KIF5C: variants seen among roughly 807,000 people sequenced by gnomAD.
KIF5C encodes kinesin family member 5C, also known as kinesin heavy chain isoform 5C.
A neutral mutation model predicts 125.2 loss-of-function variants in KIF5C; 18 were observed. The observed-to-expected ratio is 0.14, with a 90% CI of 0.10 to 0.21. The LOEUF (loss-of-function observed/expected upper bound fraction) is 0.21, where lower values mean the gene tolerates loss of function less well. Among genes scored for constraint, KIF5C ranks in the 10% least tolerant of loss-of-function variants. The probability of loss-of-function intolerance (pLI) is 1.00; values close to 1 mark genes in which losing one functional copy is unlikely to be tolerated. For synonymous variants in KIF5C, 405 were observed against 434.0 expected, an observed-to-expected ratio of 0.93 and a Z score of 0.83; for missense variants, 780 against 1,183.8, an observed-to-expected ratio of 0.66 and a Z score of 5.01.
chr2:148,899,332 TG>T (rs1680792775), intron 1 of KIF5C, among the ~76,000 whole-genome samples: 1 of 152,148 alleles, frequency 6.6e-6, no homozygotes, highest in Non-Finnish European at 1.5e-5. Context: ...ATGGAACAGG[TG>T]AAGTAAAGCA....
chr2:148,890,365 G>C (rs1374462128), intron 1 of KIF5C, among the ~76,000 whole-genome samples: 1 of 152,072 alleles, frequency 6.6e-6, no homozygotes, highest in Non-Finnish European at 1.5e-5. Flanking sequence ...GCCAGGTATG[G>C]TCGTGTGTAC....
chr2:149,008,446 C>A (rs1469028485), intron 23 of KIF5C, among the ~76,000 whole-genome samples: 1 of 152,180 alleles, frequency 6.6e-6, no homozygotes, highest in Non-Finnish European at 1.5e-5. Context: ...CACCACTGAG[C>A]TGGTTCAAGT....
chr2:148,955,573 A>G (rs1682772224), intron 10 of KIF5C, among the ~76,000 whole-genome samples: 1 of 152,208 alleles, frequency 6.6e-6, no homozygotes, highest in Admixed American at 6.5e-5. Flanking sequence ...AGTAAATAAA[A>G]GAGTGAGGTA....
chr2:149,005,408 A>T lies in KIF5C; in HGVS notation c.2389A>T (p.Thr797Ser). Residue 797 changes from threonine to serine, a missense_variant, in exon 22 of 26, where the codon ACA becomes TCA. Physicochemically the swap from Thr to Ser is moderately conservative, Grantham distance 58. This residue lies in a region of KIF5C where 573 missense variants were observed against 742.6 expected (regional missense o/e 0.77). Transcript: ENST00000435030. Reference sequence around the variant, plus strand: ...TCTCTTCCAGTCTAGAGAATTGCAGACACTGCACAACCTTCGGAAACTCTT... The same window carrying T: ...TCTCTTCCAGTCTAGAGAATTGCAGTCACTGCACAACCTTCGGAAACTCTT... The part of the protein sequence containing the change: ...LEETVSRELQ[T>S]LHNLRKLFVQ... 6.2e-7 allele frequency: 1 copy of T among 1,613,798 alleles called. No homozygotes were observed.
chr2:149,010,564 G>GCATACAT (rs1682161572), intron 24 of KIF5C, among the ~76,000 whole-genome samples: 2 of 152,256 alleles, frequency 1.3e-5, no homozygotes, highest in South Asian at 4.1e-4. Flanking sequence ...AGATATTCCA[G>GCATACAT]CATACATCGT....
intron 1 of KIF5C, among the ~76,000 whole-genome samples, chr2:148,881,381 T>TGTGTGC (rs1052517391): frequency 2.0e-5 from 3 of 152,212 alleles, no homozygotes; most frequent in African/African-American, 7.2e-5. Context: ...TGCATGTTTG[T>TGTGTGC]GTGTGCGTGT....
chr2:149,007,936 C>A, intron 22 of KIF5C, 27 bp from the exon 23 acceptor site: 1 of 1,550,918 alleles, frequency 6.4e-7, no homozygotes, highest in South Asian at 1.2e-5. Context: ...GACAGCCTGT[C>A]CTGCTGACCC....
intron 17 of KIF5C, among the ~76,000 whole-genome samples, 153 bp downstream of exon 17, chr2:148,994,691 TTTTCTTTCTTTC>T (rs758124694): frequency 6.6e-6 from 1 of 151,944 alleles, no homozygotes. Context: ...GAGCGATTTC[TTTTCTTTCTTTC>T]TTTCTTTTTT....
intron 22 of KIF5C, among the ~76,000 whole-genome samples, chr2:149,005,720 T>C (rs936107023): frequency 6.6e-6 from 1 of 152,190 alleles, no homozygotes; most frequent in African/African-American, 2.4e-5. Flanking sequence ...TGAACGCATA[T>C]TTTTCTGGCC....
intron 17 of KIF5C, among the ~76,000 whole-genome samples, chr2:148,996,399 G>A (rs1408086134): frequency 1.3e-5 from 2 of 152,330 alleles, no homozygotes; most frequent in Admixed American, 6.5e-5. Context: ...TGGCATGTTA[G>A]GAGTAGGTGC....
At chr2:148,948,356 CAA>C (rs1158381843) in intron 8 of KIF5C, among the ~76,000 whole-genome samples, 24 of 78,110 alleles carry the variant, frequency 3.1e-4, no homozygotes, top group Non-Finnish European at 3.2e-4. Flanking sequence ...GACTCTGTCT[CAA>C]AAAAAAAAAA....
intron 1 of KIF5C, among the ~76,000 whole-genome samples, chr2:148,912,511 C>T (rs1051868777): frequency 2.0e-5 from 3 of 152,222 alleles, no homozygotes; most frequent in African/African-American, 4.8e-5. Context: ...GTGGCATGAT[C>T]GTAGTTCACT....
chr2:148,955,655 ATATT>A (rs1380765941), intron 10 of KIF5C, among the ~76,000 whole-genome samples: 2 of 152,080 alleles, frequency 1.3e-5, no homozygotes, highest in East Asian at 1.9e-4. Context: ...TATATTATCT[ATATT>A]TATCTATCAT....
At chr2:148,927,264 G>A (rs1248374909) in intron 2 of KIF5C, among the ~76,000 whole-genome samples, 1 of 152,178 alleles carries the variant, frequency 6.6e-6, no homozygotes, top group Non-Finnish European at 1.5e-5. Flanking sequence ...TAATTCAGGA[G>A]GAAGTTGAGC....
At chr2:149,022,523 T>C (rs1682562084) in intron 25 of KIF5C, among the ~76,000 whole-genome samples, 2 of 152,174 alleles carry the variant, frequency 1.3e-5, no homozygotes, top group South Asian at 2.1e-4. Context: ...CAACATGTAA[T>C]ACCAGTTACA....
intron 1 of KIF5C, chr2:148,884,015 C>G (rs550029240): frequency 2.0e-5 from 3 of 152,200 alleles, no homozygotes; most frequent in Non-Finnish European, 4.4e-5. Flanking sequence ...TCTGCTCACC[C>G]CATGGAACTG....
At chr2:148,946,559 CA>C (rs1291822552) in intron 7 of KIF5C, among the ~76,000 whole-genome samples, 1 of 152,090 alleles carries the variant, frequency 6.6e-6, no homozygotes, top group Non-Finnish European at 1.5e-5. Context: ...TAAAGTGAGG[CA>C]GGGGAGGAGG....
At chr2:148,966,386 T>C (rs1361089262) in intron 11 of KIF5C, among the ~76,000 whole-genome samples, 5 of 151,982 alleles carry the variant, frequency 3.3e-5, no homozygotes, top group African/African-American at 1.2e-4. Context: ...GCTTGTGCTT[T>C]TTCCTACTTG....
chr2:149,010,037 G>T, intron 23 of KIF5C, 98 bp from the exon 24 acceptor site: 1 of 1,455,288 alleles, frequency 6.9e-7, no homozygotes, highest in Non-Finnish European at 9.1e-7. Context: ...ACCTAGCAGG[G>T]GCCACCTGTT....
Sources: allele counts gnomAD v4.1 joint callset (sites outside exome capture counted in the v4.1 genomes callset), GRCh38; gene constraint gnomAD v4.1.1; regional missense constraint gnomAD v4.1.1; transcripts MANE v1.5; gene names NCBI Gene and HGNC (gene_info 2026-07-23, HGNC 2026-07-21).